Variants in STAG1 observed in about 807,000 individuals in gnomAD.
STAG1 encodes STAG1 cohesin complex component, also known as cohesin subunit SA-1.
STAG1 carries 26 observed loss-of-function variants against 170.9 expected under a neutral mutation model. The ratio of observed to expected loss-of-function variants is 0.15; its 90% CI spans 0.11 to 0.21. The LOEUF (loss-of-function observed/expected upper bound fraction) is 0.21. STAG1 is among the 10% of genes least tolerant of loss of function. The probability of loss-of-function intolerance (pLI) is 1.00; values close to 1 mark genes in which losing one functional copy is unlikely to be tolerated. For missense variants in STAG1, 964 were observed against 1,509.5 expected, an observed-to-expected ratio of 0.64 and a Z score of 5.99; for synonymous variants, 514 against 497.7, an observed-to-expected ratio of 1.03 and a Z score of -0.44.
At chr3:136,517,420 A>C (rs1444996110) in intron 7 of STAG1, among the ~76,000 whole-genome samples, 1 of 152,164 alleles carries the variant, frequency 6.6e-6, no homozygotes, top group African/African-American at 2.4e-5. Context: ...TAAAACGTTA[A>C]CCAACATTAC....
rs1311126746 is a variant in STAG1, at chr3:136,428,885, C to T, written c.1650+4671G>A. Among the ~76,000 whole-genome samples, 8 of 152,138 alleles carry T rather than the reference C, an allele frequency of 5.3e-5. No individual in the cohort carries two copies. In the East Asian group the frequency reaches 9.6e-4, roughly 18 times the overall value. ...AATGAGGGCTCACGTCTGTAATCCC[C>T]GCACTGTGGGATGCCAAGGTGGGAG... On this transcript the variant is annotated intron_variant, in intron 16 of 33. Transcript: ENST00000383202.
intron 28 of STAG1, among the ~76,000 whole-genome samples, chr3:136,354,766 A>AAAAAAAAAAAAAAAAAAAAAAAAAC (rs1560053199): frequency 6.8e-6 from 1 of 146,936 alleles, no homozygotes; most frequent in Non-Finnish European, 1.5e-5. Flanking sequence ...AAAAAAAAAA[A>AAAAAAAAAAAAAAAAAAAAAAAAAC]AACCAAAAAA....
intron 4 of STAG1, among the ~76,000 whole-genome samples, chr3:136,585,161 G>C (rs1030036107): frequency 1.3e-5 from 2 of 152,086 alleles, no homozygotes; most frequent in African/African-American, 4.8e-5. Context: ...TCAATTCCAG[G>C]CTGGGAGCAC....
At position 136,341,429 on chromosome 3, in the gene STAG1, T is replaced by C. The variant is rs1319225317; in HGVS notation, c.3557+12A>G. 1.3e-6 allele frequency: 2 copies of C among 1,533,432 alleles called. No individual in the cohort carries two copies. Among genetic ancestry groups the C allele is most frequent in the South Asian group, 2.3e-5 (2 of 88,556 alleles). 95.0% of individuals were successfully genotyped at this position (1,533,432 alleles called of 1,614,324 possible). ...GTTGTTATGTTCTTGTGATACTCCATGTAACACTTACACAGCATGCCTCAC... is the reference window on the plus strand; with the variant it reads ...GTTGTTATGTTCTTGTGATACTCCACGTAACACTTACACAGCATGCCTCAC... On this transcript the variant is annotated intron_variant, in intron 31 of 33. Transcript: ENST00000383202.
chr3:136,597,051 G>A (rs1938458027), intron 4 of STAG1, among the ~76,000 whole-genome samples: 1 of 152,124 alleles, frequency 6.6e-6, no homozygotes, highest in African/African-American at 2.4e-5. Context: ...ACCCCAATCT[G>A]CGCGACAGAG....
intron 4 of STAG1, among the ~76,000 whole-genome samples, chr3:136,574,135 G>A: frequency 6.6e-6 from 1 of 152,008 alleles, no homozygotes; most frequent in East Asian, 1.9e-4. Flanking sequence ...CAGCTACTCG[G>A]GAGGCTGAGG....
chr3:136,623,322 C>A, intron 2 of STAG1, 74 bp from the exon 3 acceptor site: 1 of 1,353,530 alleles, frequency 7.4e-7, no homozygotes, highest in Non-Finnish European at 1.0e-6. Flanking sequence ...CTTTCCTTAC[C>A]ACCTGCTATA....
At chr3:136,656,780 C>T (rs1367032825) in intron 1 of STAG1, among the ~76,000 whole-genome samples, 1 of 151,862 alleles carries the variant, frequency 6.6e-6, no homozygotes. Context: ...TTCAGCCCTC[C>T]GCACCTGAGG....
At chr3:136,413,590 T>C (rs1029064200) in intron 21 of STAG1, among the ~76,000 whole-genome samples, 7 of 151,898 alleles carry the variant, frequency 4.6e-5, no homozygotes, top group South Asian at 2.1e-4. Context: ...TCCCGAGTAG[T>C]TGAAATTACA....
chr3:136,468,904 C>G (rs1252310532), intron 12 of STAG1, among the ~76,000 whole-genome samples: 4 of 152,146 alleles, frequency 2.6e-5, no homozygotes, highest in Admixed American at 6.6e-5. Context: ...TATCTCAATA[C>G]ATGCAGAAAA....
chr3:136,511,736 CA>C (rs1449962893), intron 7 of STAG1, among the ~76,000 whole-genome samples: 1 of 152,126 alleles, frequency 6.6e-6, no homozygotes, highest in East Asian at 1.9e-4. Flanking sequence ...ATCTGTACAA[CA>C]AGTCCCTGTG....
At chr3:136,750,239 C>T (rs897911561) in intron 1 of STAG1, among the ~76,000 whole-genome samples, 7 of 152,140 alleles carry the variant, frequency 4.6e-5, no homozygotes, top group Admixed American at 3.9e-4. Flanking sequence ...AAGCCTCAAA[C>T]TCCTGGGTTT....
chr3:136,723,246 G>A (rs958775469), intron 1 of STAG1, among the ~76,000 whole-genome samples: 1 of 151,254 alleles, frequency 6.6e-6, no homozygotes, highest in African/African-American at 2.4e-5. Flanking sequence ...TAGGAAATGA[G>A]GAGCGCCTCT....
chr3:136,410,203 C>G (rs1487482138), intron 21 of STAG1, among the ~76,000 whole-genome samples: 1 of 152,114 alleles, frequency 6.6e-6, no homozygotes, highest in South Asian at 2.1e-4. Context: ...AGTTCAAGAC[C>G]AGCCTGGCCA....
intron 16 of STAG1, among the ~76,000 whole-genome samples, chr3:136,431,729 T>C: frequency 6.6e-6 from 1 of 152,230 alleles, no homozygotes. Context: ...TGACTTTCAC[T>C]GAATATGTCA....
chr3:136,473,353 A>AC (rs1484833414), intron 11 of STAG1, among the ~76,000 whole-genome samples, 186 bp downstream of exon 11: 1 of 151,790 alleles, frequency 6.6e-6, no homozygotes, highest in African/African-American at 2.4e-5. Flanking sequence ...CATCCCCTCA[A>AC]CCCCCACCTT....
chr3:136,382,597 G>C (rs1199484052), intron 22 of STAG1, among the ~76,000 whole-genome samples: 1 of 151,958 alleles, frequency 6.6e-6, no homozygotes, highest in Non-Finnish European at 1.5e-5. Flanking sequence ...TTTTAGTAGA[G>C]ACAGGGTTTC....
At chr3:136,389,134 G>A (rs2086943677) in intron 22 of STAG1, among the ~76,000 whole-genome samples, 1 of 152,030 alleles carries the variant, frequency 6.6e-6, no homozygotes, top group Admixed American at 6.6e-5. Flanking sequence ...TGTAATACTT[G>A]TTACTTAGAA....
intron 3 of STAG1, among the ~76,000 whole-genome samples, chr3:136,616,769 A>C (rs1165203424): frequency 6.6e-6 from 1 of 152,108 alleles, no homozygotes; most frequent in Non-Finnish European, 1.5e-5. Flanking sequence ...GTGGTGATGC[A>C]TGACTGTAGT....
Sources: allele counts gnomAD v4.1 joint callset (sites outside exome capture counted in the v4.1 genomes callset), GRCh38; gene constraint gnomAD v4.1.1; transcripts MANE v1.5; gene names NCBI Gene and HGNC (gene_info 2026-07-23, HGNC 2026-07-21).